The following MYOF variants were observed in gnomAD, a reference collection of about 807,000 sequenced individuals.
The protein encoded by MYOF is fer-1-like 3, myoferlin.
In MYOF, 244 loss-of-function variants were observed where a neutral mutation model predicts 284.2. The ratio of observed to expected loss-of-function variants is 0.86; its 90% CI spans 0.77 to 0.95. MYOF has a LOEUF of 0.95. MYOF is among the 40% of genes least tolerant of loss of function. MYOF has a pLI of 0.00. For missense variants in MYOF, 2,496 were observed against 2,560.6 expected (o/e 0.97, Z 0.54); for synonymous variants, 904 against 919.7 (o/e 0.98, Z 0.31).
intron 4 of MYOF, among the ~76,000 whole-genome samples, chr10:93,430,283 T>C (rs896541166): frequency 5.3e-5 from 8 of 150,410 alleles, no homozygotes; most frequent in African/African-American, 1.9e-4. Flanking sequence ...CAGCACCCAA[T>C]GTAATAAAGA....
chr10:93,331,387 C>T (rs73315580), intron 43 of MYOF, among the ~76,000 whole-genome samples: 6,540 of 152,178 alleles, frequency 0.043, 483 homozygotes, highest in African/African-American at 0.15. Flanking sequence ...AGCGATTGGC[C>T]GAGCAGAGCC....
chr10:93,430,858 C>T (rs919695354), intron 4 of MYOF, among the ~76,000 whole-genome samples: 2 of 151,894 alleles, frequency 1.3e-5, no homozygotes, highest in Non-Finnish European at 2.9e-5. Flanking sequence ...GCAAACGGGC[C>T]CAGTTTTTTA....
chr10:93,338,989 A>C, intron 39 of MYOF, among the ~76,000 whole-genome samples: 1 of 150,330 alleles, frequency 6.7e-6, no homozygotes. Context: ...GGGGGAAAGG[A>C]AGAAGGGACA....
At chr10:93,391,597 G>GA (rs5787055) in intron 17 of MYOF, among the ~76,000 whole-genome samples, 55,030 of 148,204 alleles carry the variant, frequency 0.37, 10,711 homozygotes, top group East Asian at 0.8. Flanking sequence ...CTCCATCTCA[G>GA]AAAAAAAAAA....
intron 4 of MYOF, among the ~76,000 whole-genome samples, chr10:93,428,478 T>C (rs1848694637): frequency 6.6e-6 from 1 of 151,858 alleles, no homozygotes; most frequent in Non-Finnish European, 1.5e-5. Flanking sequence ...AGTGCTGGGA[T>C]TATAGGCGTG....
intron 19 of MYOF, among the ~76,000 whole-genome samples, chr10:93,384,271 G>A (rs1380325150): frequency 6.6e-6 from 1 of 152,214 alleles, no homozygotes; most frequent in African/African-American, 2.4e-5. Flanking sequence ...GGTAGAGAGA[G>A]GAAGGAACAA....
chr10:93,392,988 A>G, intron 16 of MYOF, 33 bp from the exon 17 acceptor site: 1 of 1,564,658 alleles, frequency 6.4e-7, no homozygotes, highest in Non-Finnish European at 8.8e-7. Flanking sequence ...GTTAAACAAG[A>G]AGAACACGGG....
At chr10:93,402,112 G>C (rs1378111503) in intron 11 of MYOF, 120 bp downstream of exon 11, 2 of 723,700 alleles carry the variant, frequency 2.8e-6, no homozygotes, top group Non-Finnish European at 4.8e-6. Flanking sequence ...AGAATAGGGG[G>C]AATCTGAGGG....
chr10:93,416,508 G>A (rs1454711866), intron 5 of MYOF, among the ~76,000 whole-genome samples: 1 of 151,782 alleles, frequency 6.6e-6, no homozygotes, highest in East Asian at 1.9e-4. Context: ...CGGCAACAGA[G>A]CGAGACTCCA....
intron 37 of MYOF, 67 bp downstream of exon 37, chr10:93,347,550 C>G: frequency 2.3e-6 from 1 of 441,336 alleles, no homozygotes; most frequent in East Asian, 1.7e-4. Context: ...CAGAGCGAGA[C>G]TCCGTCTCAA....
At chr10:93,414,838 G>C (rs767169995) in intron 5 of MYOF, among the ~76,000 whole-genome samples, 1 of 151,984 alleles carries the variant, frequency 6.6e-6, no homozygotes, top group Non-Finnish European at 1.5e-5. Flanking sequence ...CTGCTTCCCA[G>C]GTTCAAGTGA....
chr10:93,398,677 A>T (rs1847135308), intron 13 of MYOF, among the ~76,000 whole-genome samples: 1 of 152,058 alleles, frequency 6.6e-6, no homozygotes, highest in Non-Finnish European at 1.5e-5. Flanking sequence ...TTTCTACCAC[A>T]CCCACTGAAT....
intron 29 of MYOF, among the ~76,000 whole-genome samples, chr10:93,357,950 G>A (rs1391160087): frequency 1.3e-5 from 2 of 152,114 alleles, no homozygotes; most frequent in African/African-American, 4.8e-5. Context: ...TTAAACAATA[G>A]AGAGACATTC....
chr10:93,323,704 C>A, intron 46 of MYOF: 1 of 266,434 alleles, frequency 3.8e-6, no homozygotes. Flanking sequence ...CACGTGCACA[C>A]ACACACACAC....
intron 41 of MYOF, among the ~76,000 whole-genome samples, chr10:93,335,329 T>G (rs1843545549): frequency 6.6e-6 from 1 of 152,028 alleles, no homozygotes. Context: ...GGGGACCATG[T>G]AGCTTGGGAA....
chr10:93,435,633 T>C (rs1011127796), intron 3 of MYOF, among the ~76,000 whole-genome samples: 1 of 152,212 alleles, frequency 6.6e-6, no homozygotes, highest in Non-Finnish European at 1.5e-5. Flanking sequence ...TGATGCTTTC[T>C]ATATATGTCT....
At chr10:93,455,998 C>T (rs540993538) in intron 2 of MYOF, among the ~76,000 whole-genome samples, 72 of 152,208 alleles carry the variant, frequency 4.7e-4, no homozygotes, top group Non-Finnish European at 6.9e-4. Flanking sequence ...AAACACTGAA[C>T]CACTTCTAAA....
intron 1 of MYOF, among the ~76,000 whole-genome samples, chr10:93,463,394 A>AATTTTTTTTTTT (rs34592074): frequency 1.3e-5 from 1 of 78,936 alleles, no homozygotes; most frequent in Non-Finnish European, 2.3e-5. Flanking sequence ...GTCTCTACAA[A>AATTTTTTTTTTT]TTTTTTTTTT....
At chr10:93,344,639 G>A (rs899295689) in intron 37 of MYOF, among the ~76,000 whole-genome samples, 1 of 145,332 alleles carries the variant, frequency 6.9e-6, no homozygotes, top group Non-Finnish European at 1.5e-5. Flanking sequence ...GTAGATAACA[G>A]GTTAATGGGT....
Sources: allele counts gnomAD v4.1 joint callset (sites outside exome capture counted in the v4.1 genomes callset), GRCh38; gene constraint gnomAD v4.1.1; transcripts MANE v1.5; gene names NCBI Gene and HGNC (gene_info 2026-07-23, HGNC 2026-07-21).